ZNF560: variants seen among roughly 807,000 people sequenced by gnomAD.
ZNF560 encodes zinc finger protein 560.
Under a neutral mutation model 81.8 loss-of-function variants are expected in ZNF560, and 54 were observed. That is an observed-to-expected ratio of 0.66 (90% CI 0.53 to 0.83). The LOEUF (loss-of-function observed/expected upper bound fraction) is 0.83. Among genes scored for constraint, ZNF560 ranks in the 40% least tolerant of loss-of-function variants. ZNF560 has a pLI of 0.00. For missense variants in ZNF560, 940 were observed against 932.4 expected, an observed-to-expected ratio of 1.01 and a Z score of -0.11; for synonymous variants, 321 against 317.9, an observed-to-expected ratio of 1.01 and a Z score of -0.10.
intron 2 of ZNF560, 145 bp from the exon 3 acceptor site, chr19:9,475,514 T>C (rs2073186709): frequency 5.1e-6 from 3 of 583,070 alleles, no homozygotes; most frequent in Admixed American, 3.3e-5. Context: ...AAAATGCCAC[T>C]GCACTTCTGT....
At chr19:9,472,907 C>A (rs2073144772) in intron 5 of ZNF560, among the ~76,000 whole-genome samples, 1 of 152,172 alleles carries the variant, frequency 6.6e-6, no homozygotes, top group South Asian at 2.1e-4. Context: ...CCACCCCCAA[C>A]TTCTCTTTTA....
At chr19:9,488,506 T>G (rs1009936132) in intron 2 of ZNF560, among the ~76,000 whole-genome samples, 3 of 146,760 alleles carry the variant, frequency 2.0e-5, no homozygotes, top group African/African-American at 7.6e-5. Context: ...TAATATATAT[T>G]CTCCTCAAGA....
At position 9,466,473 on chromosome 19, in the gene ZNF560, A is replaced by G; in HGVS notation, c.*101T>C. ...GTTCAGGCTTTCTCACATTCCTTAC[A>G]TTGATAGTGTTACTTTCTCCTGTGA... is the stretch of plus-strand genomic sequence containing the variant. On this transcript the variant is annotated 3_prime_UTR_variant, in exon 10 of 10. Coordinates refer to ENST00000301480, the MANE Select transcript of ZNF560 (RefSeq NM_152476.3). The G allele has an allele frequency of 1.8e-6, 2 of 1,095,768 alleles. No homozygotes were observed. The highest frequency in any genetic ancestry group is 3.2e-5 in the South Asian group (2 of 62,854). 67.9% of individuals were successfully genotyped at this position (1,095,768 alleles called of 1,614,324 possible).
chr19:9,450,392 C>A, the ZNF560 span, among the ~76,000 whole-genome samples: 3 of 152,030 alleles, frequency 2.0e-5, no homozygotes, highest in African/African-American at 7.2e-5. Context: ...ATAAAAGGCA[C>A]GCAAATAGGA....
chr19:9,495,995 C>T (rs1195890137), intron 2 of ZNF560, among the ~76,000 whole-genome samples: 1 of 152,162 alleles, frequency 6.6e-6, no homozygotes, highest in African/African-American at 2.4e-5. Flanking sequence ...TGGTACAAGA[C>T]CTATGGATGG....
chr19:9,495,255 T>C (rs907283121), intron 2 of ZNF560, among the ~76,000 whole-genome samples: 1 of 152,224 alleles, frequency 6.6e-6, no homozygotes, highest in Non-Finnish European at 1.5e-5. Context: ...TAGAATTTGA[T>C]GACTGATAGA....
At chr19:9,446,019 T>G in the ZNF560 span, among the ~76,000 whole-genome samples, 1 of 152,040 alleles carries the variant, frequency 6.6e-6, no homozygotes, top group Non-Finnish European at 1.5e-5. Context: ...CTCCCTCTCT[T>G]TCTCACTGAG....
chr19:9,480,982 G>A (rs1288843549), intron 2 of ZNF560, among the ~76,000 whole-genome samples: 1 of 151,830 alleles, frequency 6.6e-6, no homozygotes, highest in East Asian at 1.9e-4. Flanking sequence ...TATTCAGGAG[G>A]CTGAGGTAGG....
At chr19:9,479,084 T>C (rs1051826826) in intron 2 of ZNF560, among the ~76,000 whole-genome samples, 1 of 151,460 alleles carries the variant, frequency 6.6e-6, no homozygotes, top group African/African-American at 2.4e-5. Flanking sequence ...GAGAATCACT[T>C]GAATGGGCAG....
the ZNF560 span, among the ~76,000 whole-genome samples, chr19:9,461,314 CT>C: frequency 6.6e-6 from 1 of 152,226 alleles, no homozygotes; most frequent in South Asian, 2.1e-4. Flanking sequence ...TGAACTCTTC[CT>C]TGTTTAATAC....
upstream of ZNF560, among the ~76,000 whole-genome samples, chr19:9,499,342 GTATTAT>G (rs919619800): frequency 6.6e-6 from 1 of 151,540 alleles, no homozygotes; most frequent in African/African-American, 2.4e-5. Flanking sequence ...GCTAATTTTT[GTATTAT>G]TATTATTATC....
At chr19:9,476,633 C>T (rs1175392891) in intron 2 of ZNF560, among the ~76,000 whole-genome samples, 1 of 152,126 alleles carries the variant, frequency 6.6e-6, no homozygotes, top group Non-Finnish European at 1.5e-5. Flanking sequence ...CCGGCTTGCA[C>T]CCAATCTCTC....
chr19:9,502,387 T>C (rs901886763), upstream of ZNF560, among the ~76,000 whole-genome samples: 4 of 151,830 alleles, frequency 2.6e-5, no homozygotes, highest in African/African-American at 9.7e-5. Context: ...AATTTTTGTG[T>C]TTTTAGTAGA....
At chr19:9,449,926 G>A in the ZNF560 span, among the ~76,000 whole-genome samples, 78 of 127,204 alleles carry the variant, frequency 6.1e-4, 1 homozygote, top group East Asian at 0.017. Context: ...CCAAGATTGC[G>A]CCATTGCACT....
At chr19:9,471,237 T>C (rs926373601) in intron 6 of ZNF560, 59 bp downstream of exon 6, 23 of 1,283,248 alleles carry the variant, frequency 1.8e-5, no homozygotes, top group Admixed American at 2.2e-5. Context: ...ATTTTCTATA[T>C]TGGAAGTCCC....
intron 2 of ZNF560, among the ~76,000 whole-genome samples, chr19:9,493,272 C>T (rs1813314941): frequency 6.6e-6 from 1 of 152,064 alleles, no homozygotes; most frequent in South Asian, 2.1e-4. Flanking sequence ...AAGGAAAATA[C>T]AAAAAATGTT....
chr19:9,461,616 T>C (rs2072932476), downstream of ZNF560, among the ~76,000 whole-genome samples: 1 of 152,118 alleles, frequency 6.6e-6, no homozygotes, highest in East Asian at 1.9e-4. Context: ...CAAACTAAAA[T>C]AGACCAAAAG....
chr19:9,473,168 C>A lies in ZNF560; in HGVS notation c.238+11G>T, dbSNP rs760737188. 1 of 1,611,602 alleles carries A rather than the reference C, an allele frequency of 6.2e-7. No individual in the cohort carries two copies. Among genetic ancestry groups the A allele is most frequent in the Non-Finnish European group, 8.5e-7 (1 of 1,177,814 alleles). ...TCTCACTGACCAAGGTTGTTCTTCA[C>A]AAATACTCACCTTGGAGAACTCCTT... On this transcript the variant is annotated intron_variant, in intron 5 of 9. Transcript: ENST00000301480.
upstream of ZNF560, among the ~76,000 whole-genome samples, chr19:9,501,917 C>A (rs2073636326): frequency 6.6e-6 from 1 of 151,876 alleles, no homozygotes; most frequent in South Asian, 2.1e-4. Context: ...CTTTGGGAGA[C>A]CAAGGCAGGC....
Sources: gnomAD v4.1 joint callset for allele counts (sites outside exome capture counted in the v4.1 genomes callset) on GRCh38, gnomAD v4.1.1 for gene constraint, MANE v1.5 for transcripts, NCBI Gene and HGNC (gene_info 2026-07-23, HGNC 2026-07-21) for gene names.